COL14A1: variants seen among roughly 807,000 people sequenced by gnomAD.
The protein encoded by COL14A1 is collagen alpha-1(XIV) chain.
A neutral mutation model predicts 230.3 loss-of-function variants in COL14A1; 136 were observed. The ratio of observed to expected loss-of-function variants is 0.59; its 90% confidence interval spans 0.51 to 0.68. COL14A1 has a LOEUF of 0.68. COL14A1 is among the 30% of genes least tolerant of loss of function. COL14A1 has a pLI of 0.00. For missense variants in COL14A1, 1,976 were observed against 2,215.8 expected (o/e 0.89, Z 2.17); for synonymous variants, 792 against 784.1 (o/e 1.01, Z -0.17).
At chr8:120,337,235 G>C (rs1435885990) in intron 42 of COL14A1, among the ~76,000 whole-genome samples, 3 of 151,586 alleles carry the variant, frequency 2.0e-5, no homozygotes, top group Non-Finnish European at 4.4e-5. Flanking sequence ...TACTGAAAAA[G>C]AAATACAAAA....
At chr8:120,200,875 G>T (rs1199095380) in intron 8 of COL14A1, among the ~76,000 whole-genome samples, 1 of 150,788 alleles carries the variant, frequency 6.6e-6, no homozygotes, top group Non-Finnish European at 1.5e-5. Flanking sequence ...AAACTATGAT[G>T]TTCCCTCCTG....
intron 26 of COL14A1, among the ~76,000 whole-genome samples, chr8:120,276,956 A>G (rs1298534785): frequency 6.6e-6 from 1 of 152,120 alleles, no homozygotes; most frequent in Non-Finnish European, 1.5e-5. Flanking sequence ...AAATGGTGAC[A>G]TGTCCAGTAG....
intron 1 of COL14A1, among the ~76,000 whole-genome samples, chr8:120,137,226 A>G (rs1563629809): frequency 1.3e-5 from 2 of 152,084 alleles, no homozygotes; most frequent in Non-Finnish European, 2.9e-5. Flanking sequence ...ATTTCCAAGT[A>G]AGCTAAATTG....
chr8:120,133,219 C>CAAAAAAAA (rs1195089013), intron 1 of COL14A1, among the ~76,000 whole-genome samples: 1 of 81,396 alleles, frequency 1.2e-5, no homozygotes, highest in Non-Finnish European at 2.6e-5. Context: ...CCGTCTCAAA[C>CAAAAAAAA]AAAAAAAAAA....
At chr8:120,258,493 G>A (rs1246379686) in intron 23 of COL14A1, among the ~76,000 whole-genome samples, 1 of 152,116 alleles carries the variant, frequency 6.6e-6, no homozygotes, top group Non-Finnish European at 1.5e-5. Context: ...GTGGCTGGAG[G>A]TGGGGGTGTT....
At chr8:120,260,786 G>A (rs1230312456) in intron 23 of COL14A1, among the ~76,000 whole-genome samples, 3 of 152,184 alleles carry the variant, frequency 2.0e-5, no homozygotes, top group African/African-American at 7.2e-5. Flanking sequence ...AGGCTCTGTG[G>A]AGTGATAAAG....
intron 19 of COL14A1, among the ~76,000 whole-genome samples, chr8:120,238,739 G>A (rs1157315164): frequency 2.0e-5 from 3 of 152,200 alleles, no homozygotes; most frequent in African/African-American, 7.2e-5. Context: ...TGGTGGTATA[G>A]GCACCCAAGG....
At chr8:120,368,957 CTG>C (rs1554629729) in intron 46 of COL14A1, among the ~76,000 whole-genome samples, 3 of 152,094 alleles carry the variant, frequency 2.0e-5, no homozygotes, top group Non-Finnish European at 4.4e-5. Context: ...ATGTTTGTGT[CTG>C]TGTGTGTGCA....
Position 120,372,117 on chromosome 8 carries a change from C to T in COL14A1, c.*886C>T, listed in dbSNP as rs1023298307. ...AACTGAGTGTCCACCAGAAAGACAA[C>T]AGTTGTCTTCCTTTAGGTAAGCATT... is the stretch of plus-strand genomic sequence containing the variant. On this transcript the variant is annotated 3_prime_UTR_variant, in exon 48 of 48. Coordinates refer to ENST00000297848, the MANE Select transcript of COL14A1 (RefSeq NM_021110.4). 2.0e-5 allele frequency: 3 copies of T among 152,738 alleles called. No individual in the cohort carries two copies. The highest frequency in any genetic ancestry group is 7.2e-5 in the African/African-American group (3 of 41,486). 9.5% of individuals were successfully genotyped at this position (152,738 alleles called of 1,614,324 possible).
At chr8:120,353,703 A>C (rs1320904370) in intron 45 of COL14A1, among the ~76,000 whole-genome samples, 2 of 150,112 alleles carry the variant, frequency 1.3e-5, no homozygotes, top group South Asian at 2.1e-4. Flanking sequence ...ACCATCTCAC[A>C]CCAGTTAGAA....
intron 45 of COL14A1, among the ~76,000 whole-genome samples, chr8:120,349,611 C>G (rs1285532132): frequency 1.4e-5 from 2 of 140,596 alleles, no homozygotes; most frequent in Non-Finnish European, 1.5e-5. Flanking sequence ...GGAGCCGATG[C>G]GATCAACTGG....
At chr8:120,250,790 C>T (rs2129678888) in intron 22 of COL14A1, 24 bp downstream of exon 22, 1 of 1,613,014 alleles carries the variant, frequency 6.2e-7, no homozygotes, top group East Asian at 2.2e-5. Flanking sequence ...CCGATGGCCT[C>T]AGCCGCATAT....
At chr8:120,203,654 A>T in intron 8 of COL14A1, 55 bp from the exon 9 acceptor site, 2 of 1,580,850 alleles carry the variant, frequency 1.3e-6, no homozygotes, top group Non-Finnish European at 1.7e-6. Flanking sequence ...CACCGCAGTC[A>T]CTCTTTCCAA....
At chr8:120,281,082 T>A in intron 31 of COL14A1, 23 bp downstream of exon 31, 1 of 1,595,674 alleles carries the variant, frequency 6.3e-7, no homozygotes, top group Non-Finnish European at 8.5e-7. Context: ...TGAAAGATTT[T>A]AAAGTCATCG....
chr8:120,218,118 A>G (rs1010765731), intron 14 of COL14A1, among the ~76,000 whole-genome samples: 66 of 138,258 alleles, frequency 4.8e-4, no homozygotes, highest in African/African-American at 1.8e-3. Flanking sequence ...ATAAGTATAT[A>G]TCTATATAAA....
At chr8:120,184,220 A>G (rs1816571704) in intron 5 of COL14A1, among the ~76,000 whole-genome samples, 1 of 118,312 alleles carries the variant, frequency 8.5e-6, no homozygotes. Context: ...GTGGGGGGGG[A>G]AGAGATTTAT....
At chr8:120,371,090 G>A in intron 47 of COL14A1, 62 bp from the exon 48 acceptor site, 2 of 1,381,960 alleles carry the variant, frequency 1.4e-6, no homozygotes, top group Non-Finnish European at 2.0e-6. Context: ...CCAGGTGAGG[G>A]GAGAATATCA....
At chr8:120,363,195 G>A (rs1407813280) in intron 45 of COL14A1, among the ~76,000 whole-genome samples, 1 of 152,156 alleles carries the variant, frequency 6.6e-6, no homozygotes, top group Non-Finnish European at 1.5e-5. Context: ...GGCCATCAAT[G>A]ATAGACTAAA....
At position 120,269,688 on chromosome 8, in the gene COL14A1, A is replaced by G. The variant is rs577246798; in HGVS notation, c.3074-347A>G. On this transcript the variant is annotated intron_variant, in intron 25 of 47. Coordinates refer to ENST00000297848, the MANE Select transcript of COL14A1 (RefSeq NM_021110.4). ...CTTTTTTCCAATCAGTTGGCACTAG[A>G]CAGTGTTTGCTGATACTTCGATCTC... is the stretch of plus-strand genomic sequence containing the variant. Among the ~76,000 whole-genome samples, 3 of 151,784 alleles carry G rather than the reference A, an allele frequency of 2.0e-5. No individual in the cohort carries two copies. In the East Asian group the frequency reaches 5.8e-4, roughly 29 times the overall value.
Sources: gnomAD v4.1 joint callset for allele counts (sites outside exome capture counted in the v4.1 genomes callset) on GRCh38, gnomAD v4.1.1 for gene constraint, MANE v1.5 for transcripts, NCBI Gene and HGNC (gene_info 2026-07-23, HGNC 2026-07-21) for gene names.